C12orf42: variants seen among roughly 807,000 people sequenced by gnomAD.
C12orf42 encodes chromosome 12 open reading frame 42, also known as uncharacterized protein C12orf42.
Under a neutral mutation model 21.6 loss-of-function variants are expected in C12orf42, and 25 were observed. That is an observed-to-expected ratio of 1.16 (90% CI 0.84 to 1.62). The LOEUF (loss-of-function observed/expected upper bound fraction) is 1.62, where lower values mean the gene tolerates loss of function less well. C12orf42 is among the 40% of genes most tolerant of loss of function. The pLI is 0.00. For missense variants in C12orf42, 483 were observed against 459.3 expected, an observed-to-expected ratio of 1.05 and a Z score of -0.47; for synonymous variants, 174 against 175.0, an observed-to-expected ratio of 0.99 and a Z score of 0.05.
At chr12:103,194,411 T>C in the C12orf42 span, among the ~76,000 whole-genome samples, 1 of 152,066 alleles carries the variant, frequency 6.6e-6, no homozygotes, top group Non-Finnish European at 1.5e-5. Flanking sequence ...TGATCTCATA[T>C]CTAGAAAAGC....
Position 103,306,039 on chromosome 12 carries a change from C to T in C12orf42, c.566G>A (p.Gly189Asp), listed in dbSNP as rs756366371. ...SVNPVHLEAQ[G>D]IHISRHTRPK... ...TCTTGTGTGTCTACTGATGTGTATG[C>T]CCTGAGCCTCCAGGTGAACAGGATT... The change falls in exon 5 of 6, where the codon GGC becomes GAC. Residue 189 changes from glycine to aspartate, a missense_variant. Coordinates refer to ENST00000548883, the MANE Select transcript of C12orf42 (RefSeq NM_198521.5). 2.5e-6 allele frequency: 4 copies of T among 1,613,850 alleles called. No homozygotes were observed. The highest frequency in any genetic ancestry group is 2.7e-5 in the African/African-American group (2 of 74,934).
chr12:103,256,444 A>G (rs1262399655), intron 10 of C12orf42, among the ~76,000 whole-genome samples: 2 of 151,568 alleles, frequency 1.3e-5, no homozygotes, highest in African/African-American at 4.9e-5. Flanking sequence ...GAGCCCCAGG[A>G]CCCACATGGT....
the C12orf42 span, among the ~76,000 whole-genome samples, chr12:103,185,230 C>A: frequency 1.3e-5 from 2 of 152,194 alleles, no homozygotes; most frequent in East Asian, 3.9e-4. Flanking sequence ...AAGGGCGACT[C>A]CTAGATAAAG....
chr12:103,236,367 C>A (rs932514858), downstream of C12orf42, among the ~76,000 whole-genome samples: 1 of 152,090 alleles, frequency 6.6e-6, no homozygotes, highest in African/African-American at 2.4e-5. Flanking sequence ...ACTTGAAAAA[C>A]ACATCTCTGA....
At chr12:103,105,783 C>T in the C12orf42 span, among the ~76,000 whole-genome samples, 29 of 151,798 alleles carry the variant, frequency 1.9e-4, 1 homozygote, top group East Asian at 9.7e-4. Flanking sequence ...ACAACAAATT[C>T]GGAGAAAAAT....
chr12:103,176,854 A>G, the C12orf42 span, among the ~76,000 whole-genome samples: 1 of 152,218 alleles, frequency 6.6e-6, no homozygotes. Flanking sequence ...GTTGAAAATT[A>G]TGTCCCCGTG....
At chr12:103,412,240 C>A (rs2048907020) in intron 2 of C12orf42, among the ~76,000 whole-genome samples, 1 of 152,182 alleles carries the variant, frequency 6.6e-6, no homozygotes, top group Admixed American at 6.5e-5. Flanking sequence ...TATTGAACAC[C>A]AAGCCCATTT....
chr12:103,506,863 T>TATTAA, the C12orf42 span, among the ~76,000 whole-genome samples: 40 of 79,652 alleles, frequency 5.0e-4, no homozygotes, highest in African/African-American at 2.0e-3. Context: ...ATATATTATA[T>TATTAA]ATATATATTT....
At chr12:103,257,927 A>C (rs1343585497) in intron 10 of C12orf42, among the ~76,000 whole-genome samples, 1 of 152,054 alleles carries the variant, frequency 6.6e-6, no homozygotes, top group Non-Finnish European at 1.5e-5. Flanking sequence ...AAAATTAATA[A>C]AGATTTTTTT....
the C12orf42 span, among the ~76,000 whole-genome samples, chr12:103,068,932 C>CATATATATATAT: frequency 2.1e-5 from 1 of 48,188 alleles, no homozygotes; most frequent in Non-Finnish European, 4.1e-5. Context: ...TCTCTCTCTC[C>CATATATATATAT]ACATATATAT....
chr12:103,182,955 T>C, the C12orf42 span, among the ~76,000 whole-genome samples: 2 of 152,254 alleles, frequency 1.3e-5, no homozygotes, highest in Non-Finnish European at 2.9e-5. Flanking sequence ...TTTCAAGTAT[T>C]TACCATCATA....
chr12:103,185,043 A>T, the C12orf42 span, among the ~76,000 whole-genome samples: 1,657 of 152,278 alleles, frequency 0.011, 26 homozygotes, highest in African/African-American at 0.037. Context: ...CTGTTGTCAA[A>T]GCCACCCAAT....
At chr12:103,324,739 T>C (rs1163641637) in intron 4 of C12orf42, among the ~76,000 whole-genome samples, 1 of 152,204 alleles carries the variant, frequency 6.6e-6, no homozygotes. Flanking sequence ...TTTCGGTTCT[T>C]ACAGCCACTC....
At chr12:103,229,075 C>T in the C12orf42 span, among the ~76,000 whole-genome samples, 1 of 152,142 alleles carries the variant, frequency 6.6e-6, no homozygotes, top group African/African-American at 2.4e-5. Flanking sequence ...TATTACTCAT[C>T]CTCAACAACA....
chr12:103,512,496 C>A, the C12orf42 span, among the ~76,000 whole-genome samples: 2 of 152,120 alleles, frequency 1.3e-5, no homozygotes, highest in African/African-American at 4.8e-5. Flanking sequence ...GAAATGATAT[C>A]TACTCAATGT....
chr12:103,394,091 T>C (rs939855432), intron 3 of C12orf42, among the ~76,000 whole-genome samples: 2 of 152,198 alleles, frequency 1.3e-5, no homozygotes, highest in Non-Finnish European at 2.9e-5. Flanking sequence ...AGTAAACATT[T>C]CTAAAATCTT....
intron 10 of C12orf42, among the ~76,000 whole-genome samples, chr12:103,239,376 T>C (rs886147023): frequency 3.9e-5 from 6 of 152,128 alleles, no homozygotes; most frequent in Non-Finnish European, 1.5e-5. Context: ...TTTTCTCCCA[T>C]GTCTCACCTG....
the C12orf42 span, among the ~76,000 whole-genome samples, chr12:103,049,591 C>A: frequency 1.3e-5 from 2 of 152,312 alleles, no homozygotes; most frequent in South Asian, 2.1e-4. Context: ...AATCTCCCAA[C>A]GTTTTCTCTT....
intron 2 of C12orf42, among the ~76,000 whole-genome samples, chr12:103,422,382 T>C (rs1056803766): frequency 6.6e-6 from 1 of 152,212 alleles, no homozygotes; most frequent in African/African-American, 2.4e-5. Context: ...CAATTCATTC[T>C]TTTTCACAAG....
Sources: allele counts gnomAD v4.1 joint callset (sites outside exome capture counted in the v4.1 genomes callset), GRCh38; gene constraint gnomAD v4.1.1; transcripts MANE v1.5; gene names NCBI Gene and HGNC (gene_info 2026-07-23, HGNC 2026-07-21).